The following PTPRT variants were observed in gnomAD, a reference collection of about 807,000 sequenced individuals.
PTPRT encodes the protein receptor-type tyrosine-protein phosphatase T.
A neutral mutation model predicts 176.8 loss-of-function variants in PTPRT; 56 were observed. That is an observed-to-expected ratio of 0.32 (90% CI 0.26 to 0.40). PTPRT has a LOEUF of 0.40. PTPRT is among the 10% of genes least tolerant of loss of function. The pLI is 1.00. For missense variants in PTPRT, 1,540 were observed against 1,908.2 expected, an observed-to-expected ratio of 0.81 and a Z score of 3.60; for synonymous variants, 783 against 739.0, an observed-to-expected ratio of 1.06 and a Z score of -0.96.
chr20:42,652,332 A>C (rs1040378181), intron 7 of PTPRT, among the ~76,000 whole-genome samples: 45 of 152,270 alleles, frequency 3.0e-4, no homozygotes, highest in South Asian at 2.1e-4. Context: ...AACCTCCTTG[A>C]GTACTTACTT....
chr20:42,365,647 T>A (rs117874479), intron 9 of PTPRT, among the ~76,000 whole-genome samples: 1 of 151,966 alleles, frequency 6.6e-6, no homozygotes, highest in African/African-American at 2.4e-5. Flanking sequence ...ACACTGACGA[T>A]AGCTGATGAG....
the PTPRT span, among the ~76,000 whole-genome samples, chr20:42,043,423 C>T: frequency 6.6e-6 from 1 of 152,158 alleles, no homozygotes; most frequent in African/African-American, 2.4e-5. Flanking sequence ...GTGAGACACG[C>T]AATCATTTCC....
chr20:42,912,250 AT>A (rs1424291814), intron 1 of PTPRT, among the ~76,000 whole-genome samples: 2 of 152,120 alleles, frequency 1.3e-5, no homozygotes, highest in Non-Finnish European at 2.9e-5. Flanking sequence ...GTCATTTGTC[AT>A]TTTAATTGGT....
chr20:42,653,037 G>A (rs192821972), intron 7 of PTPRT, among the ~76,000 whole-genome samples: 17 of 152,242 alleles, frequency 1.1e-4, no homozygotes, highest in Middle Eastern at 3.4e-3. Flanking sequence ...ATTTGGCTAT[G>A]TCCCCAACCA....
intron 11 of PTPRT, among the ~76,000 whole-genome samples, chr20:42,323,152 A>G (rs1452191616): frequency 6.6e-6 from 1 of 152,338 alleles, no homozygotes; most frequent in African/African-American, 2.4e-5. Flanking sequence ...ACACTTTTAC[A>G]CTGTTGGTGG....
intron 11 of PTPRT, among the ~76,000 whole-genome samples, chr20:42,321,497 A>T (rs74670374): frequency 0.012 from 1,764 of 152,294 alleles, 24 homozygotes; most frequent in South Asian, 0.052. Flanking sequence ...ATTCCCCTCC[A>T]GTATTCTCAC....
At chr20:42,968,186 T>C (rs1293942887) in intron 1 of PTPRT, among the ~76,000 whole-genome samples, 1 of 152,202 alleles carries the variant, frequency 6.6e-6, no homozygotes, top group East Asian at 1.9e-4. Context: ...CCACCTCTAC[T>C]GCCACACTTA....
At chr20:42,060,857 G>A in the PTPRT span, among the ~76,000 whole-genome samples, 2 of 152,160 alleles carry the variant, frequency 1.3e-5, no homozygotes, top group Admixed American at 1.3e-4. Flanking sequence ...GAAGTTCCTT[G>A]CATTTTACTT....
intron 18 of PTPRT, among the ~76,000 whole-genome samples, chr20:42,136,675 T>G (rs1988395532): frequency 6.6e-6 from 1 of 152,206 alleles, no homozygotes; most frequent in Non-Finnish European, 1.5e-5. Context: ...ATCCAGGCAC[T>G]GCCCCACTGA....
At chr20:42,746,548 C>T (rs898835497) in intron 6 of PTPRT, among the ~76,000 whole-genome samples, 3 of 152,002 alleles carry the variant, frequency 2.0e-5, no homozygotes, top group Admixed American at 6.6e-5. Context: ...ATCCACTTAG[C>T]TAACACAAGG....
rs577440748 is a variant in PTPRT at position 42,341,065 on chromosome 20, C to T, written c.1865+9563G>A. Among the ~76,000 whole-genome samples the T allele has an allele frequency of 4.0e-5, 6 of 151,632 alleles. No homozygotes were observed. The South Asian group carries it at 1.3e-3, about 32-fold the overall frequency. On this transcript the variant is annotated intron_variant, in intron 11 of 30. Transcript: ENST00000373187. Reference sequence around the variant, plus strand: ...TATTACTGTCTGTTCACCATCACTGCCAATGTGGTCACACCGAGAGCCATC... The same window carrying T: ...TATTACTGTCTGTTCACCATCACTGTCAATGTGGTCACACCGAGAGCCATC...
chr20:42,165,869 T>C lies in PTPRT; in HGVS notation c.2492-4327A>G, dbSNP rs185296432. Among the ~76,000 whole-genome samples the C allele has an allele frequency of 7.8e-4, 119 of 152,236 alleles. 1 individual carries two copies. Among genetic ancestry groups the C allele is most frequent in the Admixed American group, 6.5e-4 (10 of 15,294 alleles). On this transcript the variant is annotated intron_variant, in intron 16 of 30. Transcript: ENST00000373187. ...GCCAGTGGAAATATATTGCAAGCCA[T>C]GTATGTAATTTAAGATGGTCTTGTG...
rs1006919460 is a variant in PTPRT at position 43,021,670 on chromosome 20, G to A, written c.89-135738C>T. On this transcript the variant is annotated intron_variant, in intron 1 of 30. Coordinates refer to ENST00000373187, the MANE Select transcript of PTPRT (RefSeq NM_007050.6). ...AGCCCTAACAGAAGAGATACAGACA[G>A]TTAAGGTATTCAGATCACTGAAGCA... is the stretch of plus-strand genomic sequence containing the variant. 7.9e-5 allele frequency among the ~76,000 whole-genome samples: 12 copies of A among 152,142 alleles called. 1 individual carries two copies. Among genetic ancestry groups the A allele is most frequent in the African/African-American group, 2.9e-4 (12 of 41,432 alleles).
chr20:42,282,453 G>A (rs201426516), intron 13 of PTPRT, 36 bp downstream of exon 13: 196 of 1,580,876 alleles, frequency 1.2e-4, no homozygotes, highest in Non-Finnish European at 1.7e-4. Context: ...AATGGCTGAA[G>A]AACAGGTGAA....
At chr20:42,833,845 C>T (rs1274124231) in intron 2 of PTPRT, among the ~76,000 whole-genome samples, 1 of 152,120 alleles carries the variant, frequency 6.6e-6, no homozygotes, top group Non-Finnish European at 1.5e-5. Flanking sequence ...GACCCTTGAC[C>T]TATACCTCTC....
At chr20:42,144,108 G>A (rs1374132088) in intron 17 of PTPRT, among the ~76,000 whole-genome samples, 1 of 152,150 alleles carries the variant, frequency 6.6e-6, no homozygotes, top group African/African-American at 2.4e-5. Flanking sequence ...TGAGTGTAGA[G>A]TGGATGTGTG....
At chr20:43,130,557 G>A (rs796450480) in intron 1 of PTPRT, among the ~76,000 whole-genome samples, 3 of 152,012 alleles carry the variant, frequency 2.0e-5, no homozygotes, top group African/African-American at 7.2e-5. Context: ...ATTCAATCCT[G>A]TTCACAGAAG....
At chr20:42,548,389 T>C (rs575889506) in intron 7 of PTPRT, among the ~76,000 whole-genome samples, 1 of 152,168 alleles carries the variant, frequency 6.6e-6, no homozygotes, top group Non-Finnish European at 1.5e-5. Flanking sequence ...ATGTAATAAA[T>C]GTTAAATTGC....
chr20:42,469,235 G>A (rs1054307564), intron 8 of PTPRT, among the ~76,000 whole-genome samples: 7 of 151,934 alleles, frequency 4.6e-5, no homozygotes, highest in African/African-American at 1.7e-4. Flanking sequence ...ACAGAGTCTC[G>A]CTCTGTCACC....
Sources: gnomAD v4.1 joint callset for allele counts (sites outside exome capture counted in the v4.1 genomes callset) on GRCh38, gnomAD v4.1.1 for gene constraint, MANE v1.5 for transcripts, NCBI Gene and HGNC (gene_info 2026-07-23, HGNC 2026-07-21) for gene names.